The following SGCE variants were observed in gnomAD, a reference collection of about 807,000 sequenced individuals.
SGCE encodes the protein sarcoglycan epsilon.
SGCE carries 26 observed loss-of-function variants against 57.8 expected under a neutral mutation model. That is an observed-to-expected ratio of 0.45 (90% CI 0.33 to 0.62). The LOEUF is 0.62. SGCE is among the 20% of genes least tolerant of loss of function. The pLI, the probability that SGCE is intolerant of heterozygous loss-of-function variation, is 0.02. For synonymous variants in SGCE, 183 were observed against 189.5 expected, an observed-to-expected ratio of 0.97 and a Z score of 0.28; for missense variants, 468 against 548.6, an observed-to-expected ratio of 0.85 and a Z score of 1.47.
intron 5 of SGCE, among the ~76,000 whole-genome samples, chr7:94,604,221 C>A (rs542802787): frequency 1.3e-5 from 2 of 152,086 alleles, no homozygotes; most frequent in African/African-American, 4.8e-5. Flanking sequence ...ATCTCATTGG[C>A]CTTTCAAAAG....
chr7:94,594,967 C>G (rs1311731551), intron 9 of SGCE, among the ~76,000 whole-genome samples: 1 of 152,114 alleles, frequency 6.6e-6, no homozygotes, highest in African/African-American at 2.4e-5. Context: ...TCCACTGCCT[C>G]TTTATTCATT....
intron 1 of SGCE, among the ~76,000 whole-genome samples, chr7:94,655,784 A>AAAT (rs1808560269): frequency 6.7e-6 from 1 of 150,374 alleles, no homozygotes; most frequent in Admixed American, 6.6e-5. Context: ...GAGGAAAAAA[A>AAAT]GGCCAGGGGT....
At chr7:94,613,346 T>C (rs1401217502) in intron 5 of SGCE, among the ~76,000 whole-genome samples, 1 of 152,230 alleles carries the variant, frequency 6.6e-6, no homozygotes, top group Non-Finnish European at 1.5e-5. Flanking sequence ...TTCAGCTAGT[T>C]GTTGTCAAAA....
At chr7:94,603,930 G>C (rs1799655906) in intron 5 of SGCE, among the ~76,000 whole-genome samples, 1 of 151,922 alleles carries the variant, frequency 6.6e-6, no homozygotes, top group African/African-American at 2.4e-5. Context: ...ATGGAGCTTT[G>C]GGTAGACATT....
intron 1 of SGCE, among the ~76,000 whole-genome samples, chr7:94,641,981 T>C (rs748243062): frequency 1.2e-4 from 19 of 152,126 alleles, no homozygotes; most frequent in South Asian, 2.1e-4. Flanking sequence ...TCATGACACA[T>C]TGTATGCTTG....
intron 3 of SGCE, chr7:94,624,215 T>G (rs1016033477): frequency 2.6e-6 from 1 of 391,144 alleles, no homozygotes; most frequent in East Asian, 3.6e-5. Flanking sequence ...ATCCCAGCAC[T>G]AACCTTCTGG....
At chr7:94,593,988 G>C (rs1291367489) in intron 9 of SGCE, among the ~76,000 whole-genome samples, 1 of 152,016 alleles carries the variant, frequency 6.6e-6, no homozygotes, top group South Asian at 2.1e-4. Flanking sequence ...CATACTCAGA[G>C]CCCCAGAATG....
chr7:94,614,699 C>T (rs1328336913), intron 5 of SGCE, among the ~76,000 whole-genome samples: 1 of 152,034 alleles, frequency 6.6e-6, no homozygotes, highest in Non-Finnish European at 1.5e-5. Context: ...AGAGAGGAGC[C>T]CTCTCTGTGA....
intron 6 of SGCE, 65 bp from the exon 7 acceptor site, chr7:94,600,922 C>T (rs1355227814): frequency 7.8e-7 from 1 of 1,278,580 alleles, no homozygotes; most frequent in Admixed American, 1.9e-5. Flanking sequence ...ATTTTAAGAT[C>T]TGGATACACT....
intron 1 of SGCE, among the ~76,000 whole-genome samples, chr7:94,642,026 C>G (rs1032936258): frequency 1.3e-5 from 2 of 151,988 alleles, no homozygotes; most frequent in African/African-American, 4.8e-5. Context: ...TATATATGTA[C>G]AACTATTACA....
chr7:94,637,790 G>C (rs908277609), intron 1 of SGCE, among the ~76,000 whole-genome samples: 10 of 152,146 alleles, frequency 6.6e-5, no homozygotes, highest in African/African-American at 2.4e-4. Context: ...TGAAGAAAAG[G>C]GATGACTGCA....
At chr7:94,638,622 G>C (rs1448264059) in intron 1 of SGCE, among the ~76,000 whole-genome samples, 1 of 148,774 alleles carries the variant, frequency 6.7e-6, no homozygotes. Context: ...AATATTCTGT[G>C]TGAAGGATCA....
At chr7:94,616,976 G>A (rs963583986) in intron 5 of SGCE, 1 of 152,152 alleles carries the variant, frequency 6.6e-6, no homozygotes, top group African/African-American at 2.4e-5. Context: ...TAAATGCCAC[G>A]GGACTGATTC....
chr7:94,655,525 GA>G (rs1381874349), intron 1 of SGCE, among the ~76,000 whole-genome samples: 1 of 151,956 alleles, frequency 6.6e-6, no homozygotes. Context: ...TCAAGAAAAG[GA>G]AAAAAGATGT....
chr7:94,588,876 C>A, intron 9 of SGCE, 144 bp from the exon 10 acceptor site: 1 of 841,340 alleles, frequency 1.2e-6, no homozygotes, highest in Non-Finnish European at 2.0e-6. Context: ...CTTTCATGAG[C>A]TTACAGATGA....
At position 94,601,443 on chromosome 7, in the gene SGCE, C is replaced by CAAAAAAAAAAAAAA. The variant is rs71123905; in HGVS notation, c.826-600_826-587dup. On this transcript the variant is annotated intron_variant, in intron 6 of 10. Transcript: ENST00000648936. ...GTCTTACTTAATTCTATCCCAGTAT[C>CAAAAAAAAAAAAAA]AAAAAAAAAAAAAAAAAAAAAAAAA... is the stretch of plus-strand genomic sequence containing the variant. Among the ~76,000 whole-genome samples, 120 of 89,280 alleles carry CAAAAAAAAAAAAAA rather than the reference C, an allele frequency of 1.3e-3. 14 individuals are homozygous for CAAAAAAAAAAAAAA. The highest frequency in any genetic ancestry group is 2.4e-3 in the African/African-American group (42 of 17,292). 58.6% of individuals were successfully genotyped at this position (89,280 alleles called of 152,430 possible). A position where few individuals can be genotyped will look rare whatever the true frequency, so the allele number is the denominator to read the frequency against.
chr7:94,652,710 T>A (rs1431981515), intron 1 of SGCE, among the ~76,000 whole-genome samples: 1 of 152,200 alleles, frequency 6.6e-6, no homozygotes. Flanking sequence ...CAACAGCTTT[T>A]AGATTTATGG....
intron 5 of SGCE, among the ~76,000 whole-genome samples, chr7:94,614,129 A>AAC (rs1562833271): frequency 6.6e-6 from 1 of 151,294 alleles, no homozygotes; most frequent in Admixed American, 6.6e-5. Flanking sequence ...AAAAAAAAAA[A>AAC]ACACAGTAAA....
chr7:94,650,625 T>G (rs1054980808), intron 1 of SGCE, among the ~76,000 whole-genome samples: 4 of 152,190 alleles, frequency 2.6e-5, no homozygotes, highest in Non-Finnish European at 5.9e-5. Context: ...TCATCACAAT[T>G]ATCTTTCAGG....
Sources: gnomAD v4.1 joint callset for allele counts (sites outside exome capture counted in the v4.1 genomes callset) on GRCh38, gnomAD v4.1.1 for gene constraint, MANE v1.5 for transcripts, NCBI Gene and HGNC (gene_info 2026-07-23, HGNC 2026-07-21) for gene names.